Variants in RUFY1 observed in about 807,000 individuals in gnomAD.
The protein encoded by RUFY1 is RUN and FYVE domain containing 1, also known as RUN and FYVE domain-containing protein 1.
In RUFY1, 54 loss-of-function variants were observed where a neutral mutation model predicts 94.6. That is an observed-to-expected ratio of 0.57 (90% CI 0.46 to 0.72). RUFY1 has a LOEUF of 0.72. RUFY1 is among the 30% of genes least tolerant of loss of function. The probability of loss-of-function intolerance (pLI) is 0.00; values close to 1 mark genes in which losing one functional copy is unlikely to be tolerated. For missense variants in RUFY1, 883 were observed against 883.9 expected (o/e 1.00, Z 0.01); for synonymous variants, 396 against 347.3 (o/e 1.14, Z -1.56).
chr5:179,598,197 A>G (rs1228215039), intron 13 of RUFY1: 1 of 154,518 alleles, frequency 6.5e-6, no homozygotes, highest in Non-Finnish European at 1.4e-5. Context: ...CTCAAAAAAA[A>G]ACAAAAAGCA....
intron 3 of RUFY1, 49 bp downstream of exon 3, chr5:179,562,713 A>T: frequency 1.0e-6 from 1 of 965,072 alleles, no homozygotes; most frequent in Non-Finnish European, 1.7e-6. Flanking sequence ...AAACTCCCTC[A>T]TATTTACTCA....
At chr5:179,580,392 G>T (rs866193932) in intron 6 of RUFY1, among the ~76,000 whole-genome samples, 1 of 151,492 alleles carries the variant, frequency 6.6e-6, no homozygotes, top group Non-Finnish European at 1.5e-5. Context: ...ACAGGCGCCC[G>T]CCACCACGCC....
Position 179,550,765 on chromosome 5 carries a change from A to G in RUFY1, c.196A>G (p.Ile66Val). 2.8e-6 allele frequency: 4 copies of G among 1,408,226 alleles called. No individual in the cohort carries two copies. The highest frequency in any genetic ancestry group is 3.7e-6 in the Non-Finnish European group (4 of 1,077,376). The allele number at this position is 1,408,226 out of a possible 1,614,324, so 87.2% of individuals were successfully genotyped here. A position where few individuals can be genotyped will look rare whatever the true frequency, so the allele number is the denominator to read the frequency against. The change falls in exon 1 of 18, where the codon ATC becomes GTC. Residue 66 changes from isoleucine to valine, a missense_variant. Ile to Val is a conservative substitution (Grantham distance 29). Coordinates refer to ENST00000319449, the MANE Select transcript of RUFY1 (RefSeq NM_025158.5). ...GGCGGCCGAGGGCTGGTCGGCGCCC[A>G]TCCTGACCCTGGCACGCAGGGCCAC... is the stretch of plus-strand genomic sequence containing the variant. ...PRAAEGWSAP[I>V]LTLARRATGN...
rs567022015 is a variant in RUFY1 at position 179,597,684 on chromosome 5, G to C, written c.1631+1003G>C. 2.6e-5 allele frequency among the ~76,000 whole-genome samples: 4 copies of C among 152,200 alleles called. No homozygotes were observed. In the East Asian group the frequency reaches 5.8e-4, roughly 22 times the overall value. On this transcript the variant is annotated intron_variant, in intron 13 of 17. Coordinates refer to ENST00000319449, the MANE Select transcript of RUFY1 (RefSeq NM_025158.5). ...ACCGTGCCTGGCCTATAGATTTTTT[G>C]AGATAATATATATGCCAAGTTAAAA...
intron 4 of RUFY1, 41 bp from the exon 5 acceptor site, chr5:179,569,261 G>A: frequency 6.2e-7 from 1 of 1,613,112 alleles, no homozygotes; most frequent in Admixed American, 1.7e-5. Context: ...GGATGGTGAA[G>A]CTGTTTCTGA....
intron 8 of RUFY1, among the ~76,000 whole-genome samples, chr5:179,587,058 T>A (rs1372043380): frequency 1.3e-5 from 2 of 151,600 alleles, no homozygotes; most frequent in Non-Finnish European, 2.9e-5. Context: ...TTATGTGGGG[T>A]TTTTCTGCTT....
intron 8 of RUFY1, among the ~76,000 whole-genome samples, chr5:179,587,998 T>TA (rs562888696): frequency 1.3e-5 from 2 of 152,018 alleles, no homozygotes; most frequent in Non-Finnish European, 2.9e-5. Flanking sequence ...CTGTCTCAAT[T>TA]AAAAAAACAA....
intron 16 of RUFY1, chr5:179,607,280 G>C: frequency 2.4e-6 from 1 of 422,832 alleles, no homozygotes; most frequent in African/African-American, 2.0e-5. Flanking sequence ...TTCAGCCAAA[G>C]GGAACTGATT....
intron 12 of RUFY1, among the ~76,000 whole-genome samples, chr5:179,595,719 T>C (rs1483019644): frequency 6.6e-6 from 1 of 152,008 alleles, no homozygotes; most frequent in Admixed American, 6.6e-5. Context: ...GCCCGGCTAA[T>C]TTTGTATTTT....
intron 16 of RUFY1, chr5:179,606,410 TTGCAGGTGGCCCGG>T (rs1767088836): frequency 6.1e-6 from 1 of 164,044 alleles, no homozygotes; most frequent in Non-Finnish European, 1.3e-5. Flanking sequence ...AAGCAGGAGT[TTGCAGGTGGCCCGG>T]TGTGGGTGCG....
At chr5:179,591,505 A>G (rs1471830310) in intron 9 of RUFY1, 120 bp from the exon 10 acceptor site, 10 of 712,244 alleles carry the variant, frequency 1.4e-5, no homozygotes, top group African/African-American at 5.5e-5. Flanking sequence ...TTTTTCTACC[A>G]TGCTTAAAAA....
At chr5:179,564,784 A>G (rs1361709652) in intron 3 of RUFY1, among the ~76,000 whole-genome samples, 3 of 152,208 alleles carry the variant, frequency 2.0e-5, no homozygotes, top group Non-Finnish European at 2.9e-5. Context: ...AGAATGATCT[A>G]TTGCAGTCGT....
At position 179,591,679 on chromosome 5, in the gene RUFY1, G is replaced by A; in HGVS notation, c.1183G>A (p.Gly395Ser). Reference sequence around the variant, plus strand: ...GGAGACTTACAAGCAAACTCGGCAAGGTCTGGATGAAATGTACAGTGATGT... The same window carrying A: ...GGAGACTTACAAGCAAACTCGGCAAAGTCTGGATGAAATGTACAGTGATGT... ...ELETYKQTRQGLDEMYSDVWK... is the reference protein window; with the variant it reads ...ELETYKQTRQSLDEMYSDVWK... Residue 395 changes from glycine (G) to serine (S), a missense_variant, in exon 10 of 18, where the codon GGT becomes AGT. Physicochemically the swap from Gly to Ser is moderately conservative, Grantham distance 56 (BLOSUM62 0). Coordinates refer to ENST00000319449, the MANE Select transcript of RUFY1 (RefSeq NM_025158.5). 6 of 1,613,272 alleles carry A rather than the reference G, an allele frequency of 3.7e-6. No homozygotes were observed. The highest frequency in any genetic ancestry group is 5.1e-6 in the Non-Finnish European group (6 of 1,179,756).
Position 179,587,559 on chromosome 5 carries a change from ATTT to A in RUFY1, c.1026+1714_1026+1716del, listed in dbSNP as rs34633958. ...GGCGCCCGCCACCACGCCCGGCTAA[ATTT>A]TTTTTTTTTTTTTTTTTTTAGTAGA... is the stretch of plus-strand genomic sequence containing the variant. On this transcript the variant is annotated intron_variant, in intron 8 of 17. Transcript: ENST00000319449. 1.5e-3 allele frequency among the ~76,000 whole-genome samples: 162 copies of A among 108,060 alleles called. 1 individual carries two copies. Among genetic ancestry groups the A allele is most frequent in the East Asian group, 8.4e-3 (29 of 3,450 alleles). 70.9% of individuals were successfully genotyped at this position (108,060 alleles called of 152,430 possible). A position where few individuals can be genotyped will look rare whatever the true frequency, so the allele number is the denominator to read the frequency against.
chr5:179,602,548 C>T (rs187186168), intron 15 of RUFY1: 310 of 152,746 alleles, frequency 2.0e-3, no homozygotes, highest in Admixed American at 4.5e-3. Flanking sequence ...TTGCTGTGGA[C>T]GCCTGGGCCT....
chr5:179,580,241 G>GTGTATGTATATA, intron 6 of RUFY1, among the ~76,000 whole-genome samples: 1 of 93,886 alleles, frequency 1.1e-5, no homozygotes, highest in South Asian at 3.5e-4. Flanking sequence ...GTGTGTGTGT[G>GTGTATGTATATA]TATATTTTTT....
At chr5:179,560,744 GAAA>G (rs1332261610) in intron 2 of RUFY1, among the ~76,000 whole-genome samples, 1 of 135,976 alleles carries the variant, frequency 7.4e-6, no homozygotes, top group African/African-American at 2.7e-5. Flanking sequence ...AAAAAAAAAA[GAAA>G]AAAGAAAAAA....
rs763898178 is a variant in RUFY1, at chr5:179,594,817, G to A, written c.1414-49G>A. ...GCCCTGTTTGTAATCCAGAGCAGGT[G>A]CAAGGATGTGGGACAGGCAGAGTAT... On this transcript the variant is annotated intron_variant, in intron 11 of 17. Coordinates refer to ENST00000319449, the MANE Select transcript of RUFY1 (RefSeq NM_025158.5). 13 of 1,134,982 alleles carry A rather than the reference G, an allele frequency of 1.1e-5. No homozygotes were observed. The East Asian group carries it at 2.7e-4, about 23-fold the overall frequency. 70.3% of individuals were successfully genotyped at this position (1,134,982 alleles called of 1,614,324 possible). A position where few individuals can be genotyped will look rare whatever the true frequency, so the allele number is the denominator to read the frequency against.
At chr5:179,571,303 C>T (rs10059134) in intron 5 of RUFY1, among the ~76,000 whole-genome samples, 62,533 of 151,848 alleles carry the variant, frequency 0.41, 13,314 homozygotes, top group East Asian at 0.73. Context: ...TGAGACCAGC[C>T]CGGGCAAAAT....
Sources: allele counts gnomAD v4.1 joint callset (sites outside exome capture counted in the v4.1 genomes callset), GRCh38; gene constraint gnomAD v4.1.1; transcripts MANE v1.5; gene names NCBI Gene and HGNC (gene_info 2026-07-23, HGNC 2026-07-21).